The following SCLT1 variants were observed in gnomAD, a reference collection of about 807,000 sequenced individuals.
SCLT1 encodes the protein sodium channel and clathrin linker 1, also known as sodium channel-associated protein 1.
SCLT1 carries 78 observed loss-of-function variants against 112.8 expected under a neutral mutation model. That is an observed-to-expected ratio of 0.69 (90% CI 0.58 to 0.83). The LOEUF is 0.83. Ranked by LOEUF, SCLT1 falls within the 40% of genes least tolerant of loss-of-function variation. The pLI is 0.00. For missense variants in SCLT1, 747 were observed against 770.4 expected, an observed-to-expected ratio of 0.97 and a Z score of 0.36; for synonymous variants, 257 against 254.7, an observed-to-expected ratio of 1.01 and a Z score of -0.09.
intron 2 of SCLT1, among the ~76,000 whole-genome samples, chr4:129,052,833 T>TAAAA (rs1748940097): frequency 6.6e-6 from 1 of 152,190 alleles, no homozygotes; most frequent in Non-Finnish European, 1.5e-5. Context: ...GGTGTCAATT[T>TAAAA]TACATTTTTC....
chr4:128,969,339 G>A (rs1163087185), intron 10 of SCLT1, among the ~76,000 whole-genome samples: 5 of 152,116 alleles, frequency 3.3e-5, no homozygotes, highest in African/African-American at 1.2e-4. Flanking sequence ...TTGGGAGGCT[G>A]AGGCAGGCAG....
chr4:128,910,262 G>A (rs981700407), intron 18 of SCLT1, among the ~76,000 whole-genome samples: 19 of 152,170 alleles, frequency 1.2e-4, no homozygotes, highest in African/African-American at 4.6e-4. Flanking sequence ...TGTATTTGTA[G>A]ATGCTGGATG....
intron 9 of SCLT1, among the ~76,000 whole-genome samples, chr4:128,978,276 G>A (rs889489446): frequency 5.3e-5 from 8 of 152,210 alleles, no homozygotes; most frequent in South Asian, 2.1e-4. Context: ...CAAGGTCAGA[G>A]GTGTATACTT....
intron 9 of SCLT1, among the ~76,000 whole-genome samples, chr4:128,976,356 G>A (rs1021833503): frequency 7.9e-5 from 12 of 152,124 alleles, no homozygotes; most frequent in Admixed American, 5.9e-4. Context: ...TTTTGTAAAC[G>A]ATGATTACAA....
At chr4:128,877,652 G>A (rs181808883) in intron 3 of SCLT1, among the ~76,000 whole-genome samples, 1 of 152,106 alleles carries the variant, frequency 6.6e-6, no homozygotes, top group African/African-American at 2.4e-5. Context: ...CTGCCCTCCA[G>A]CCTGGGTGAC....
rs114038819 is a variant in SCLT1, at chr4:129,085,778, C to T, written c.35-3405G>A. The stretch of plus-strand genomic sequence containing the variant: ...TAATGCAGGAACAGAAAACCAAGTA[C>T]GGCATGTTCTCAATTATAAGTGGGA... On this transcript the variant is annotated intron_variant, in intron 1 of 20. Transcript: ENST00000281142. 9.9e-3 allele frequency among the ~76,000 whole-genome samples: 1,501 copies of T among 152,188 alleles called. 17 individuals are homozygous for T. The highest frequency in any genetic ancestry group is 0.028 in the African/African-American group (1,181 of 41,520).
intron 2 of SCLT1, among the ~76,000 whole-genome samples, chr4:129,066,280 A>G (rs755624026): frequency 2.3e-4 from 35 of 152,110 alleles, no homozygotes; most frequent in Non-Finnish European, 4.1e-4. Context: ...TAGAAAAAAT[A>G]TAACAGAGGA....
At chr4:128,911,401 A>C (rs192428764) in intron 18 of SCLT1, among the ~76,000 whole-genome samples, 202 of 152,312 alleles carry the variant, frequency 1.3e-3, no homozygotes, top group Admixed American at 3.5e-3. Flanking sequence ...TTGAAGCTCA[A>C]AATTCTTTGT....
intron 5 of SCLT1, among the ~76,000 whole-genome samples, chr4:129,021,062 C>A (rs1287066331): frequency 6.6e-6 from 1 of 152,168 alleles, no homozygotes; most frequent in African/African-American, 2.4e-5. Flanking sequence ...CTCAGTTCAT[C>A]TCATCGGGAC....
At chr4:129,074,921 CA>C (rs1579940010) in intron 2 of SCLT1, among the ~76,000 whole-genome samples, 1 of 152,058 alleles carries the variant, frequency 6.6e-6, no homozygotes, top group East Asian at 1.9e-4. Flanking sequence ...AGGCTGGTCT[CA>C]AACCCCTGGT....
At chr4:128,910,655 A>T (rs1351179312) in intron 18 of SCLT1, among the ~76,000 whole-genome samples, 3 of 152,040 alleles carry the variant, frequency 2.0e-5, no homozygotes, top group African/African-American at 7.2e-5. Context: ...CTATTCCAAG[A>T]GAATAAAAAT....
chr4:129,027,008 T>C (rs1369375686), intron 5 of SCLT1, among the ~76,000 whole-genome samples: 2 of 152,064 alleles, frequency 1.3e-5, no homozygotes, highest in Admixed American at 1.3e-4. Context: ...CAGGAAGAAG[T>C]TGAATCTCTG....
chr4:129,087,575 G>A (rs1249135772), intron 1 of SCLT1, among the ~76,000 whole-genome samples: 1 of 149,860 alleles, frequency 6.7e-6, no homozygotes, highest in African/African-American at 2.5e-5. Context: ...AGGGAGACCC[G>A]GCTTCTACAA....
At chr4:128,912,295 A>G (rs1163014333) in intron 18 of SCLT1, among the ~76,000 whole-genome samples, 1 of 152,188 alleles carries the variant, frequency 6.6e-6, no homozygotes, top group Admixed American at 6.5e-5. Context: ...ATTCTTCCCC[A>G]GAGATATGGA....
intron 1 of SCLT1, 127 bp downstream of exon 1, chr4:129,092,941 TCC>T: frequency 1.4e-6 from 1 of 712,830 alleles, no homozygotes; most frequent in Non-Finnish European, 2.5e-6. Flanking sequence ...GTTTTTTTTT[TCC>T]TGCAACTAAC....
intron 18 of SCLT1, among the ~76,000 whole-genome samples, chr4:128,901,599 C>T (rs1304463570): frequency 6.6e-6 from 1 of 151,150 alleles, no homozygotes; most frequent in Admixed American, 6.6e-5. Context: ...TGCAGCACAC[C>T]AACATGGCAC....
At position 129,003,756 on chromosome 4, in the gene SCLT1, C is replaced by T. The variant is rs1440131195; in HGVS notation, c.411G>A (p.Leu137=). ...TGTCACTCACTTGATTGGCTAGCTG[C>T]AATTGTTCTTGAAGGTTTCTGACTG... The part of the protein sequence containing the change: ...DETVRNLQEQ[L]QLANQEKTQA... The change falls in exon 6 of 21, where the codon TTG becomes TTA. Residue 137 remains leucine, a synonymous_variant. Coordinates refer to ENST00000281142, the MANE Select transcript of SCLT1 (RefSeq NM_144643.4). The T allele has an allele frequency of 1.2e-6, 2 of 1,605,736 alleles. No individual in the cohort carries two copies. The highest frequency in any genetic ancestry group is 4.5e-5 in the East Asian group (2 of 44,342).
chr4:128,962,701 C>T (rs920883797), intron 11 of SCLT1, among the ~76,000 whole-genome samples: 1 of 152,186 alleles, frequency 6.6e-6, no homozygotes, highest in Non-Finnish European at 1.5e-5. Context: ...TGTTTATCCA[C>T]CTATGTAAAA....
At chr4:129,043,868 A>T in intron 3 of SCLT1, 125 bp downstream of exon 3, 1 of 610,802 alleles carries the variant, frequency 1.6e-6, no homozygotes, top group African/African-American at 1.9e-5. Context: ...TTTTCTTGTC[A>T]ATTCAAGAAC....
Sources: allele counts gnomAD v4.1 joint callset (sites outside exome capture counted in the v4.1 genomes callset), GRCh38; gene constraint gnomAD v4.1.1; transcripts MANE v1.5; gene names NCBI Gene and HGNC (gene_info 2026-07-23, HGNC 2026-07-21).